Variants in ARHGEF18 observed in about 807,000 individuals in gnomAD.
ARHGEF18 encodes rho guanine nucleotide exchange factor 18.
A neutral mutation model predicts 155.7 loss-of-function variants in ARHGEF18; 93 were observed. The ratio of observed to expected loss-of-function variants is 0.60; its 90% CI spans 0.50 to 0.71. The LOEUF (loss-of-function observed/expected upper bound fraction) is 0.71, where lower values mean the gene tolerates loss of function less well. Among genes scored for constraint, ARHGEF18 ranks in the 30% least tolerant of loss-of-function variants. ARHGEF18 has a pLI of 0.00. For synonymous variants in ARHGEF18, 742 were observed against 753.1 expected, an observed-to-expected ratio of 0.99 and a Z score of 0.24; for missense variants, 1,593 against 1,816.1, an observed-to-expected ratio of 0.88 and a Z score of 2.23.
At chr19:7,368,416 C>G (rs1970041400) in intron 2 of ARHGEF18, among the ~76,000 whole-genome samples, 1 of 152,120 alleles carries the variant, frequency 6.6e-6, no homozygotes, top group South Asian at 2.1e-4. Context: ...TGGAAAGACC[C>G]CCACTGGGCT....
intron 3 of ARHGEF18, among the ~76,000 whole-genome samples, chr19:7,375,087 T>C (rs1026303618): frequency 1.8e-4 from 27 of 151,854 alleles, no homozygotes; most frequent in African/African-American, 5.8e-4. Context: ...GCCTGGCTAA[T>C]GTGGTGAAAC....
rs1162434534 is a variant in ARHGEF18, at chr19:7,361,991, G to GGAAGAAGAAGAAAGAA, written c.-110-778_-110-777insAGAAGAAGAAGAAGAA. On this transcript the variant is annotated intron_variant, in intron 1 of 28. Transcript: ENST00000668164. The stretch of plus-strand genomic sequence containing the variant: ...TGGGGGCAACAGAGCAAGACTCTGT[G>GGAAGAAGAAGAAAGAA]GAAGAAGAAGAAGAAGAAGAAGAAG... 2.3e-3 allele frequency among the ~76,000 whole-genome samples: 179 copies of GGAAGAAGAAGAAAGAA among 79,214 alleles called. 21 individuals are homozygous for GGAAGAAGAAGAAAGAA. Among genetic ancestry groups the GGAAGAAGAAGAAAGAA allele is most frequent in the African/African-American group, 9.7e-3 (177 of 18,324 alleles). 52.0% of individuals were successfully genotyped at this position (79,214 alleles called of 152,430 possible).
chr19:7,451,147 A>G lies in ARHGEF18; in HGVS notation c.1738-2A>G. ...TACAGGATCTTGCTTTCTGTTTCCT[A>G]GAAAATTGGCAACTTCTCCATCGTG... On this transcript the variant is annotated splice_acceptor_variant, in intron 15 of 28. Coordinates refer to ENST00000668164, the MANE Select transcript of ARHGEF18 (RefSeq NM_001367823.1). LOFTEE classifies it high-confidence loss of function. The G allele has an allele frequency of 2.0e-6, 3 of 1,505,932 alleles. No homozygotes were observed. The highest frequency in any genetic ancestry group is 2.6e-6 in the Non-Finnish European group (3 of 1,132,526). The allele number at this position is 1,505,932 out of a possible 1,614,324, so 93.3% of individuals were successfully genotyped here.
At position 7,388,692 on chromosome 19, in the gene ARHGEF18, TGCCTCA is replaced by T. The variant is rs1236312829; in HGVS notation, c.967+5495_967+5500del. 3.3e-5 allele frequency among the ~76,000 whole-genome samples: 5 copies of T among 151,922 alleles called. 1 individual carries two copies. Among genetic ancestry groups the T allele is most frequent in the Admixed American group, 2.0e-4 (3 of 15,244 alleles). On this transcript the variant is annotated intron_variant, in intron 10 of 28. Transcript: ENST00000668164. ...GCCTCCCAGGTTCAAGCCATTCTCCTGCCTCAGCCTCCTGAGTAGCTGGGATTGCAG... is the reference window on the plus strand; with the variant it reads ...GCCTCCCAGGTTCAAGCCATTCTCCTGCCTCCTGAGTAGCTGGGATTGCAG...
downstream of ARHGEF18, among the ~76,000 whole-genome samples, chr19:7,475,723 G>C (rs1284655338): frequency 6.6e-6 from 1 of 152,186 alleles, no homozygotes. Flanking sequence ...CCTGTGACCA[G>C]GTGGTCATGT....
intron 1 of ARHGEF18, among the ~76,000 whole-genome samples, chr19:7,362,341 G>A (rs930304884): frequency 1.3e-5 from 2 of 149,800 alleles, no homozygotes; most frequent in Non-Finnish European, 2.9e-5. Context: ...GGAGGAGGAG[G>A]AAGAGGAGGA....
rs1263712409 is a variant in ARHGEF18, at chr19:7,440,740, C to T, written c.1106+258C>T. 6.6e-6 allele frequency among the ~76,000 whole-genome samples: 1 copy of T among 152,154 alleles called. No individual in the cohort carries two copies. Among genetic ancestry groups the T allele is most frequent in the Non-Finnish European group, 1.5e-5 (1 of 68,026 alleles). On this transcript the variant is annotated intron_variant, in intron 11 of 28. Transcript: ENST00000668164. This position sits in a 1 kb window ranked among gnomAD's most constrained non-coding sequence, Gnocchi z 5.4. The stretch of plus-strand genomic sequence containing the variant: ...CCCTCGAGGGATCCTTGGACTCGCT[C>T]CTTAGGCCGGGCTCCTGACTTACTC...
chr19:7,462,138 C>T lies in ARHGEF18; in HGVS notation c.2453-14C>T, dbSNP rs972178649. ...CCGACCCGGCTGACTGCCACCTCCA[C>T]CATCACTCTGCAGAGCGGTTGAGCA... On this transcript the variant is annotated splice_polypyrimidine_tract_variant and intron_variant, in intron 20 of 28. Transcript: ENST00000668164. This position sits in a 1 kb window ranked among gnomAD's most constrained non-coding sequence, Gnocchi z 4.4. 6.2e-7 allele frequency: 1 copy of T among 1,613,680 alleles called. No homozygotes were observed. Among genetic ancestry groups the T allele is most frequent in the Non-Finnish European group, 8.5e-7 (1 of 1,179,976 alleles).
rs1970443860 is a variant in ARHGEF18 at position 7,375,993 on chromosome 19, G to A, written c.426+123G>A. 3.7e-6 allele frequency: 4 copies of A among 1,089,118 alleles called. No individual in the cohort carries two copies. The South Asian group carries it at 1.9e-4, about 53-fold the overall frequency. The allele number at this position is 1,089,118 out of a possible 1,614,324, so 67.5% of individuals were successfully genotyped here. On this transcript the variant is annotated intron_variant, in intron 4 of 28. Transcript: ENST00000668164. Reference sequence around the variant, plus strand: ...GCTTACCCACCATGGCAGGGTGGAGGCTGCTTATCTGTGGTGTGGCCCGTG... The same window carrying A: ...GCTTACCCACCATGGCAGGGTGGAGACTGCTTATCTGTGGTGTGGCCCGTG...
At chr19:7,371,562 T>C in intron 2 of ARHGEF18, among the ~76,000 whole-genome samples, 1 of 152,118 alleles carries the variant, frequency 6.6e-6, no homozygotes, top group Non-Finnish European at 1.5e-5. Context: ...GGCACATGTC[T>C]GTAGCCCCAG....
intron 10 of ARHGEF18, among the ~76,000 whole-genome samples, chr19:7,417,767 G>A (rs906982282): frequency 1.3e-5 from 2 of 152,180 alleles, no homozygotes; most frequent in African/African-American, 4.8e-5. Context: ...CCAGTGGGAT[G>A]GTGACATGTT....
intron 8 of ARHGEF18, 42 bp from the exon 9 acceptor site, chr19:7,382,750 G>C (rs1417852056): frequency 1.1e-5 from 13 of 1,221,078 alleles, no homozygotes; most frequent in Non-Finnish European, 1.3e-5. Flanking sequence ...CCTCAGAATG[G>C]CCCCTGGCCC....
chr19:7,355,512 C>T, intron 1 of ARHGEF18: 1 of 612,398 alleles, frequency 1.6e-6, no homozygotes, highest in Non-Finnish European at 2.0e-6. Context: ...CTTCTATCAG[C>T]TGATGTATCT....
downstream of ARHGEF18, chr19:7,473,377 G>A (rs1217375408): frequency 1.4e-5 from 6 of 439,076 alleles, no homozygotes; most frequent in South Asian, 8.1e-5. Flanking sequence ...AAAAGTAAAA[G>A]GAGGGCCGGG....
At chr19:7,377,151 A>G (rs1970497376) in intron 5 of ARHGEF18, among the ~76,000 whole-genome samples, 1 of 151,290 alleles carries the variant, frequency 6.6e-6, no homozygotes, top group Non-Finnish European at 1.5e-5. Flanking sequence ...GTTCACTGCA[A>G]CCTCCGCCTC....
intron 8 of ARHGEF18, among the ~76,000 whole-genome samples, chr19:7,382,360 A>G (rs1970786699): frequency 6.6e-6 from 1 of 151,074 alleles, no homozygotes; most frequent in Non-Finnish European, 1.5e-5. Flanking sequence ...GCACCACTGC[A>G]CTCCAGCCTG....
chr19:7,398,303 T>C (rs1971837144), intron 10 of ARHGEF18, among the ~76,000 whole-genome samples: 1 of 151,716 alleles, frequency 6.6e-6, no homozygotes, highest in Non-Finnish European at 1.5e-5. Context: ...ACTCCTGACC[T>C]CAGGTAATAT....
intron 13 of ARHGEF18, among the ~76,000 whole-genome samples, chr19:7,443,767 G>A (rs1234567616): frequency 1.3e-5 from 2 of 152,262 alleles, no homozygotes; most frequent in African/African-American, 4.8e-5. Context: ...AGCCAGGCGT[G>A]GTGGTGTGCA....
At chr19:7,363,004 A>G (rs1303731370) in intron 2 of ARHGEF18, 99 bp downstream of exon 2, 2 of 1,207,252 alleles carry the variant, frequency 1.7e-6, no homozygotes, top group Admixed American at 8.4e-5. Context: ...CTTTGTGTAC[A>G]TTATCTCAGG....
Sources: allele counts gnomAD v4.1 joint callset (sites outside exome capture counted in the v4.1 genomes callset), GRCh38; gene constraint gnomAD v4.1.1; non-coding constraint Gnocchi (gnomAD v3.1); transcripts MANE v1.5; gene names NCBI Gene and HGNC (gene_info 2026-07-23, HGNC 2026-07-21).